The following CRADD variants were observed in gnomAD, a reference collection of about 807,000 sequenced individuals.
CRADD encodes CARD and death domain containing adaptor protein.
CRADD carries 9 observed loss-of-function variants against 15.5 expected under a neutral mutation model. The ratio of observed to expected loss-of-function variants is 0.58; its 90% CI spans 0.35 to 1.01. The LOEUF is 1.01. CRADD is among the 50% of genes least tolerant of loss of function. CRADD has a pLI of 0.02. For missense variants in CRADD, 227 were observed against 250.3 expected, an observed-to-expected ratio of 0.91 and a Z score of 0.63; for synonymous variants, 118 against 107.6, an observed-to-expected ratio of 1.10 and a Z score of -0.60.
At chr12:93,720,385 A>T (rs1956238433) in intron 2 of CRADD, among the ~76,000 whole-genome samples, 1 of 152,176 alleles carries the variant, frequency 6.6e-6, no homozygotes. Context: ...TGAGCTTGAG[A>T]AAAATGTGTA....
rs200759735 is a variant in CRADD, at chr12:93,738,649, C to CT, written c.298+59583dup. The CT allele has an allele frequency of 6.9e-5, 37 of 536,620 alleles. No homozygotes were observed. In the East Asian group the frequency reaches 1.1e-3, roughly 16 times the overall value. 33.2% of individuals were successfully genotyped at this position (536,620 alleles called of 1,614,324 possible). ...GATGTCATTGTAACCTTTGGTTATT[C>CT]TTTTTTGTGCGTAAAGTGTCAACCT... On this transcript the variant is annotated intron_variant, in intron 2 of 2. Transcript: ENST00000332896.
At chr12:93,800,123 A>G (rs1382256273) in intron 2 of CRADD, among the ~76,000 whole-genome samples, 2 of 152,198 alleles carry the variant, frequency 1.3e-5, no homozygotes. Flanking sequence ...ATTGGCTCAC[A>G]TAATTTTCGA....
At chr12:93,733,247 T>G (rs1956501162) in intron 2 of CRADD, among the ~76,000 whole-genome samples, 1 of 152,196 alleles carries the variant, frequency 6.6e-6, no homozygotes. Flanking sequence ...AGAAATTGGG[T>G]ACACATAGCT....
intron 2 of CRADD, among the ~76,000 whole-genome samples, chr12:93,868,311 G>A (rs1249110858): frequency 1.3e-5 from 2 of 152,112 alleles, no homozygotes; most frequent in Non-Finnish European, 2.9e-5. Context: ...GTCTTTTGTG[G>A]TCCACTCTTA....
intron 2 of CRADD, among the ~76,000 whole-genome samples, chr12:93,753,510 G>A (rs574032861): frequency 3.4e-4 from 51 of 152,108 alleles, no homozygotes; most frequent in African/African-American, 1.0e-3. Context: ...AGTCCCTTCC[G>A]CTTATGAGCC....
At chr12:93,862,180 G>C (rs1958324473) in intron 2 of CRADD, among the ~76,000 whole-genome samples, 1 of 152,116 alleles carries the variant, frequency 6.6e-6, no homozygotes, top group Non-Finnish European at 1.5e-5. Context: ...GTCTTACAAA[G>C]GAACAAAGCT....
chr12:93,783,276 T>TATTTG (rs1957234014), intron 2 of CRADD, among the ~76,000 whole-genome samples: 2 of 148,498 alleles, frequency 1.3e-5, no homozygotes, highest in African/African-American at 4.9e-5. Context: ...ATTATTATTT[T>TATTTG]ACAGATGAGG....
At chr12:93,721,390 G>A (rs1565887322) in intron 2 of CRADD, among the ~76,000 whole-genome samples, 1 of 151,984 alleles carries the variant, frequency 6.6e-6, no homozygotes, top group Non-Finnish European at 1.5e-5. Context: ...CCTGTCTTAT[G>A]CTGTCATTCA....
chr12:93,883,056 A>G (rs558915878), intron 2 of CRADD, among the ~76,000 whole-genome samples: 167 of 152,336 alleles, frequency 1.1e-3, no homozygotes, highest in African/African-American at 3.7e-3. Context: ...CAAAATATTC[A>G]GCATAATTAA....
intron 2 of CRADD, among the ~76,000 whole-genome samples, chr12:93,709,270 T>G (rs555875650): frequency 2.1e-4 from 32 of 152,314 alleles, no homozygotes; most frequent in African/African-American, 7.0e-4. Context: ...TTTTTAACTT[T>G]TATTATAGGT....
At chr12:93,700,062 G>A (rs1427098326) in intron 2 of CRADD, among the ~76,000 whole-genome samples, 2 of 152,170 alleles carry the variant, frequency 1.3e-5, no homozygotes, top group African/African-American at 4.8e-5. Context: ...GGTTCCAGGG[G>A]AAGAAGCCAG....
intron 2 of CRADD, among the ~76,000 whole-genome samples, chr12:93,843,384 CTTT>C (rs200332416): frequency 3.0e-5 from 4 of 135,032 alleles, no homozygotes; most frequent in Admixed American, 1.5e-4. Context: ...TCTTTTTATT[CTTT>C]TTTTTTTTTT....
chr12:93,854,947 G>A (rs946797484), downstream of CRADD, among the ~76,000 whole-genome samples: 1 of 152,054 alleles, frequency 6.6e-6, no homozygotes, highest in Non-Finnish European at 1.5e-5. Flanking sequence ...TAATCCCAGC[G>A]CTTTGGGAGG....
intron 2 of CRADD, among the ~76,000 whole-genome samples, chr12:93,789,172 T>C (rs1053265107): frequency 2.0e-5 from 3 of 152,034 alleles, no homozygotes; most frequent in Non-Finnish European, 4.4e-5. Context: ...CCAGAGTTTT[T>C]CTGTGAGAGG....
chr12:93,863,596 T>TTGTG (rs1157061528), intron 2 of CRADD, among the ~76,000 whole-genome samples: 20,384 of 124,530 alleles, frequency 0.16, 1,933 homozygotes, highest in East Asian at 0.26. Context: ...GTGGAGGCAT[T>TTGTG]TGTGTGTGTG....
At chr12:93,734,829 G>A (rs763191704) in intron 2 of CRADD, among the ~76,000 whole-genome samples, 6 of 151,882 alleles carry the variant, frequency 4.0e-5, no homozygotes, top group Admixed American at 1.3e-4. Context: ...CTCCTTGTCC[G>A]TCTTCCCCCT....
intron 2 of CRADD, among the ~76,000 whole-genome samples, chr12:93,721,605 C>A (rs532770108): frequency 6.6e-6 from 1 of 152,022 alleles, no homozygotes. Flanking sequence ...TCATTATTTT[C>A]TAAACAATAC....
intron 2 of CRADD, among the ~76,000 whole-genome samples, chr12:93,838,630 C>T (rs144970995): frequency 4.1e-4 from 61 of 149,400 alleles, no homozygotes; most frequent in Middle Eastern, 6.9e-3. Flanking sequence ...CTGTGAAAAG[C>T]TTCTTCCTTT....
chr12:93,826,911 A>G (rs1298799218), intron 2 of CRADD: 2 of 152,098 alleles, frequency 1.3e-5, no homozygotes, highest in Non-Finnish European at 2.9e-5. Flanking sequence ...AAATGACTCA[A>G]CCTAATAATT....
Sources: allele counts gnomAD v4.1 joint callset (sites outside exome capture counted in the v4.1 genomes callset), GRCh38; gene constraint gnomAD v4.1.1; transcripts MANE v1.5; gene names NCBI Gene and HGNC (gene_info 2026-07-23, HGNC 2026-07-21).